The following LYZL1 variants were observed in gnomAD, a reference collection of about 807,000 sequenced individuals.
The protein encoded by LYZL1 is lysozyme like 1, also known as lysozyme-like protein 1.
Under a neutral mutation model 17.9 loss-of-function variants are expected in LYZL1, and 16 were observed. The observed-to-expected ratio is 0.90, with a 90% CI of 0.61 to 1.36. The LOEUF is 1.36. LYZL1 is among the 40% of genes most tolerant of loss of function. The pLI, the probability that LYZL1 is intolerant of heterozygous loss-of-function variation, is 0.00. For synonymous variants in LYZL1, 58 were observed against 71.8 expected, an observed-to-expected ratio of 0.81 and a Z score of 0.97; for missense variants, 149 against 188.4, an observed-to-expected ratio of 0.79 and a Z score of 1.22.
At chr10:29,294,217 A>G (rs1588657706) in intron 3 of LYZL1, among the ~76,000 whole-genome samples, 1 of 152,116 alleles carries the variant, frequency 6.6e-6, no homozygotes, top group Admixed American at 6.5e-5. Context: ...AGGCAGGTGG[A>G]GAGGCTAACG....
intron 3 of LYZL1, among the ~76,000 whole-genome samples, chr10:29,305,038 T>A (rs1175174262): frequency 2.0e-5 from 3 of 152,212 alleles, no homozygotes; most frequent in Non-Finnish European, 4.4e-5. Context: ...ATGCCTGGGA[T>A]GACCTCCAAT....
intron 3 of LYZL1, among the ~76,000 whole-genome samples, chr10:29,300,890 C>CA (rs1255263293): frequency 6.6e-6 from 1 of 152,156 alleles, no homozygotes; most frequent in Non-Finnish European, 1.5e-5. Context: ...GGCATGATCA[C>CA]AGTTCACTGC....
intron 3 of LYZL1, among the ~76,000 whole-genome samples, chr10:29,305,126 G>A (rs1164198245): frequency 1.3e-5 from 2 of 152,080 alleles, no homozygotes; most frequent in East Asian, 3.9e-4. Flanking sequence ...TCTAGAGACC[G>A]CCCCAAACCC....
At chr10:29,315,724 C>T (rs940087459), downstream of LYZL1, among the ~76,000 whole-genome samples, 5 of 151,864 alleles carry the variant, frequency 3.3e-5, no homozygotes, top group African/African-American at 1.2e-4. Flanking sequence ...TGGCCTGTGC[C>T]TGTGGTCCCA....
At chr10:29,313,496 T>C (rs550932195), downstream of LYZL1, among the ~76,000 whole-genome samples, 1 of 152,172 alleles carries the variant, frequency 6.6e-6, no homozygotes, top group African/African-American at 2.4e-5. Flanking sequence ...ACTCCAAAAA[T>C]AAGTGTTTTA....
downstream of LYZL1, among the ~76,000 whole-genome samples, chr10:29,315,460 G>A (rs545205764): frequency 3.9e-5 from 6 of 152,028 alleles, no homozygotes; most frequent in South Asian, 4.2e-4. Flanking sequence ...GCAGGGAGCC[G>A]AGATTGCATC....
At chr10:29,315,108 CCT>C (rs1835714327), downstream of LYZL1, among the ~76,000 whole-genome samples, 1 of 152,226 alleles carries the variant, frequency 6.6e-6, no homozygotes, top group African/African-American at 2.4e-5. Context: ...AGGAAGATTT[CCT>C]CTGTGTCTCC....
At chr10:29,289,955 G>A (rs1346917244) in intron 1 of LYZL1, among the ~76,000 whole-genome samples, 2 of 152,102 alleles carry the variant, frequency 1.3e-5, no homozygotes, top group African/African-American at 2.4e-5. Flanking sequence ...ATACAAAAGC[G>A]GGCCTGGTTT....
chr10:29,310,863 C>A, intron 4 of LYZL1, 127 bp from the exon 5 acceptor site: 1 of 1,406,358 alleles, frequency 7.1e-7, no homozygotes, highest in Non-Finnish European at 9.9e-7. Flanking sequence ...CCTTGAAGCT[C>A]AGAAGCAAAT....
chr10:29,301,854 C>T (rs1044754311), intron 3 of LYZL1, among the ~76,000 whole-genome samples: 44 of 151,750 alleles, frequency 2.9e-4, no homozygotes, highest in African/African-American at 9.7e-4. Context: ...AGCCTTTTTC[C>T]CTCCCTGTGT....
At chr10:29,313,679 C>T (rs1035281086), downstream of LYZL1, among the ~76,000 whole-genome samples, 1 of 152,130 alleles carries the variant, frequency 6.6e-6, no homozygotes, top group Non-Finnish European at 1.5e-5. Context: ...GATAATTTTC[C>T]ATAATTAAAG....
chr10:29,299,287 C>T lies in LYZL1; in HGVS notation c.298+6610C>T, dbSNP rs1053832983. ...TCCTAACAGACAATGGACTGGTATC[C>T]GTCTGTGGTTAGGGGGTTGGGGATC... is the stretch of plus-strand genomic sequence containing the variant. On this transcript the variant is annotated intron_variant, in intron 3 of 4. Transcript: ENST00000649382. Among the ~76,000 whole-genome samples, 11 of 152,214 alleles carry T rather than the reference C, an allele frequency of 7.2e-5. No homozygotes were observed. In the South Asian group the frequency reaches 1.7e-3, roughly 23 times the overall value.
chr10:29,291,054 T>C (rs1030079249), intron 1 of LYZL1, among the ~76,000 whole-genome samples: 14 of 152,158 alleles, frequency 9.2e-5, no homozygotes, highest in African/African-American at 3.4e-4. Flanking sequence ...AGTTGATCCT[T>C]GAACAAATGT....
At chr10:29,311,468 C>T (rs1450457984), downstream of LYZL1, among the ~76,000 whole-genome samples, 7 of 151,992 alleles carry the variant, frequency 4.6e-5, no homozygotes, top group African/African-American at 1.7e-4. Flanking sequence ...CCTGAGGGGC[C>T]GAATCCCCTT....
At chr10:29,296,586 C>A (rs938886656) in intron 3 of LYZL1, among the ~76,000 whole-genome samples, 1 of 152,196 alleles carries the variant, frequency 6.6e-6, no homozygotes. Context: ...GAGACCTCAA[C>A]AATCTTTGAG....
intron 3 of LYZL1, among the ~76,000 whole-genome samples, chr10:29,293,104 T>G (rs1379229302): frequency 6.9e-6 from 1 of 145,744 alleles, no homozygotes; most frequent in East Asian, 2.0e-4. Flanking sequence ...TTTTCTTTTC[T>G]TTCTTTTTTT....
intron 3 of LYZL1, among the ~76,000 whole-genome samples, chr10:29,304,546 A>T (rs1835565894): frequency 6.6e-6 from 1 of 152,066 alleles, no homozygotes; most frequent in African/African-American, 2.4e-5. Flanking sequence ...TTTTGTGTAA[A>T]TTGTTGCTGT....
intron 3 of LYZL1, among the ~76,000 whole-genome samples, chr10:29,301,468 G>T (rs1326114779): frequency 6.6e-6 from 1 of 152,194 alleles, no homozygotes; most frequent in Non-Finnish European, 1.5e-5. Context: ...TGGGGTTACA[G>T]CTGTGAGTAA....
In LYZL1 at chr10:29,297,810, T is replaced by C. The variant is rs185326458; in HGVS notation, c.298+5133T>C. ...ATCCTCATACAATTTCGGAACATGATAGAAAAACAGAATATACAACAGGCT... is the reference window on the plus strand; with the variant it reads ...ATCCTCATACAATTTCGGAACATGACAGAAAAACAGAATATACAACAGGCT... On this transcript the variant is annotated intron_variant, in intron 3 of 4. Coordinates refer to ENST00000649382, the MANE Select transcript of LYZL1 (RefSeq NM_032517.6). Among the ~76,000 whole-genome samples, 640 of 152,202 alleles carry C rather than the reference T, an allele frequency of 4.2e-3. 6 individuals carry two copies. The highest frequency in any genetic ancestry group is 0.014 in the African/African-American group (588 of 41,530).
Sources: gnomAD v4.1 joint callset for allele counts (sites outside exome capture counted in the v4.1 genomes callset) on GRCh38, gnomAD v4.1.1 for gene constraint, MANE v1.5 for transcripts, NCBI Gene and HGNC (gene_info 2026-07-23, HGNC 2026-07-21) for gene names.